Variants in SLC4A10 observed in about 807,000 individuals in gnomAD.
The protein encoded by SLC4A10 is solute carrier family 4 member 10.
A neutral mutation model predicts 137.7 loss-of-function variants in SLC4A10; 42 were observed. The ratio of observed to expected loss-of-function variants is 0.30; its 90% CI spans 0.24 to 0.39. SLC4A10 has a LOEUF of 0.39. Ranked by LOEUF, SLC4A10 falls within the 10% of genes least tolerant of loss-of-function variation. The probability of loss-of-function intolerance (pLI) is 1.00; values close to 1 mark genes in which losing one functional copy is unlikely to be tolerated. For missense variants in SLC4A10, 925 were observed against 1,355.0 expected (o/e 0.68, Z 4.98); for synonymous variants, 474 against 464.1 (o/e 1.02, Z -0.27).
chr2:161,651,772 G>A (rs1307339217), intron 1 of SLC4A10, among the ~76,000 whole-genome samples: 2 of 152,204 alleles, frequency 1.3e-5, no homozygotes, highest in Non-Finnish European at 2.9e-5. Context: ...GCAGTGGCCA[G>A]ACCCTGAGCT....
chr2:161,782,381 T>C (rs532991640), intron 2 of SLC4A10, among the ~76,000 whole-genome samples: 192 of 152,044 alleles, frequency 1.3e-3, no homozygotes, highest in African/African-American at 4.6e-3. Flanking sequence ...GGATCTTCCA[T>C]ATAAGGCCAG....
intron 11 of SLC4A10, among the ~76,000 whole-genome samples, chr2:161,897,377 G>A (rs2063610611): frequency 6.6e-6 from 1 of 152,008 alleles, no homozygotes; most frequent in South Asian, 2.1e-4. Flanking sequence ...CCCTTGCCCT[G>A]TGGAGTTCAG....
At chr2:161,948,188 G>T (rs1559604259) in intron 17 of SLC4A10, among the ~76,000 whole-genome samples, 2 of 152,012 alleles carry the variant, frequency 1.3e-5, no homozygotes, top group Non-Finnish European at 2.9e-5. Flanking sequence ...ATTTGGAAAG[G>T]AAAGTAAACA....
chr2:161,900,573 C>G (rs941442629), intron 11 of SLC4A10, among the ~76,000 whole-genome samples: 1 of 152,018 alleles, frequency 6.6e-6, no homozygotes, highest in Non-Finnish European at 1.5e-5. Context: ...AATGCTTTTT[C>G]TTGCCCACCT....
intron 1 of SLC4A10, among the ~76,000 whole-genome samples, chr2:161,670,339 A>G (rs771459133): frequency 1.3e-4 from 19 of 143,238 alleles, no homozygotes; most frequent in Non-Finnish European, 1.8e-4. Context: ...TTGAGCATTT[A>G]CTATGCTCTA....
chr2:161,936,992 T>C (rs1229227692), intron 15 of SLC4A10, among the ~76,000 whole-genome samples: 1 of 152,220 alleles, frequency 6.6e-6, no homozygotes, highest in African/African-American at 2.4e-5. Flanking sequence ...TTAGAACTCT[T>C]ACTGTTGCAA....
chr2:161,752,442 C>T (rs1367038419), intron 1 of SLC4A10, among the ~76,000 whole-genome samples: 1 of 151,960 alleles, frequency 6.6e-6, no homozygotes, highest in African/African-American at 2.4e-5. Context: ...GAACTAAACG[C>T]ATGGGCCTCT....
chr2:161,886,840 G>A (rs1467446295), intron 10 of SLC4A10, among the ~76,000 whole-genome samples: 1 of 151,886 alleles, frequency 6.6e-6, no homozygotes, highest in African/African-American at 2.4e-5. Flanking sequence ...TGTGCAGAAC[G>A]TGCAGGCTTG....
At chr2:161,911,197 A>G (rs922992217) in intron 15 of SLC4A10, among the ~76,000 whole-genome samples, 2 of 152,048 alleles carry the variant, frequency 1.3e-5, no homozygotes, top group Non-Finnish European at 2.9e-5. Context: ...TAAAGAAAAT[A>G]GTGCTTGTTT....
At chr2:161,703,796 A>C (rs1373144865) in intron 1 of SLC4A10, among the ~76,000 whole-genome samples, 1 of 151,734 alleles carries the variant, frequency 6.6e-6, no homozygotes, top group Admixed American at 6.6e-5. Flanking sequence ...CTGTTTAGGA[A>C]GGCAAAGTTG....
In SLC4A10 at chr2:161,834,985, C is replaced by T. The variant is rs1028600009; in HGVS notation, c.278-4804C>T. Among the ~76,000 whole-genome samples the T allele has an allele frequency of 5.3e-5, 8 of 151,828 alleles. No homozygotes were observed. In the South Asian group the frequency reaches 8.3e-4, roughly 16 times the overall value. On this transcript the variant is annotated intron_variant, in intron 3 of 26. Transcript: ENST00000446997. ...GGTCCATTTTTGGGGTCACAGTCAT[C>T]GTAAATAACATGTTCTTTCTAGGAC...
intron 3 of SLC4A10, among the ~76,000 whole-genome samples, chr2:161,823,444 C>T (rs566573385): frequency 1.3e-5 from 2 of 152,210 alleles, no homozygotes; most frequent in East Asian, 1.9e-4. Context: ...AGCATATTGC[C>T]GTAAAAAGAA....
intron 26 of SLC4A10, among the ~76,000 whole-genome samples, chr2:161,981,837 C>T (rs1186959727): frequency 6.6e-6 from 1 of 152,118 alleles, no homozygotes; most frequent in African/African-American, 2.4e-5. Flanking sequence ...GGCACAAACC[C>T]GGGCGCCATA....
At chr2:161,791,297 C>T (rs988234387) in intron 2 of SLC4A10, among the ~76,000 whole-genome samples, 7 of 152,094 alleles carry the variant, frequency 4.6e-5, no homozygotes, top group African/African-American at 1.4e-4. Flanking sequence ...TAAAAAGGAA[C>T]AAGATCATGT....
At chr2:161,806,045 A>G (rs191665257) in intron 3 of SLC4A10, among the ~76,000 whole-genome samples, 5 of 152,198 alleles carry the variant, frequency 3.3e-5, no homozygotes, top group Non-Finnish European at 5.9e-5. Flanking sequence ...CTAAACCCCA[A>G]TTCTTGACTT....
chr2:161,809,384 G>C (rs555486962), intron 3 of SLC4A10, among the ~76,000 whole-genome samples: 82 of 152,020 alleles, frequency 5.4e-4, no homozygotes, highest in Admixed American at 1.6e-3. Context: ...GTTTAATTAG[G>C]TCCCACTTGT....
At chr2:161,690,128 G>A (rs2041833793) in intron 1 of SLC4A10, among the ~76,000 whole-genome samples, 1 of 152,108 alleles carries the variant, frequency 6.6e-6, no homozygotes. Flanking sequence ...TTAAAAAGTG[G>A]GTAAGGGACA....
At chr2:161,936,861 C>T (rs186029941) in intron 15 of SLC4A10, among the ~76,000 whole-genome samples, 61 of 152,202 alleles carry the variant, frequency 4.0e-4, no homozygotes, top group Admixed American at 2.7e-3. Context: ...TTATTTTCCT[C>T]CTTTTAGTAA....
At chr2:161,940,504 G>A (rs976044266) in intron 15 of SLC4A10, among the ~76,000 whole-genome samples, 4 of 152,144 alleles carry the variant, frequency 2.6e-5, no homozygotes, top group Non-Finnish European at 4.4e-5. Context: ...TACAGCAGAG[G>A]AGTCACTTAC....
Sources: gnomAD v4.1 joint callset for allele counts (sites outside exome capture counted in the v4.1 genomes callset) on GRCh38, gnomAD v4.1.1 for gene constraint, MANE v1.5 for transcripts, NCBI Gene and HGNC (gene_info 2026-07-23, HGNC 2026-07-21) for gene names.